Variants in LTBP1 observed in about 807,000 individuals in gnomAD.
LTBP1 encodes latent-transforming growth factor beta-binding protein 1.
In LTBP1, 129 loss-of-function variants were observed where a neutral mutation model predicts 207.6. The observed-to-expected ratio is 0.62, with a 90% confidence interval of 0.54 to 0.72. LTBP1 has a LOEUF of 0.72. Among genes scored for constraint, LTBP1 ranks in the 30% least tolerant of loss-of-function variants. The pLI, the probability that LTBP1 is intolerant of heterozygous loss-of-function variation, is 0.00. For synonymous variants in LTBP1, 963 were observed against 833.7 expected, an observed-to-expected ratio of 1.16 and a Z score of -2.67; for missense variants, 2,281 against 2,217.2, an observed-to-expected ratio of 1.03 and a Z score of -0.58.
intron 9 of LTBP1, among the ~76,000 whole-genome samples, chr2:33,225,396 G>A (rs529387803): frequency 6.6e-6 from 1 of 152,300 alleles, no homozygotes; most frequent in African/African-American, 2.4e-5. Flanking sequence ...TTTTACAAAA[G>A]AAAGAGATTT....
chr2:33,069,045 T>C (rs1355690006), intron 3 of LTBP1, among the ~76,000 whole-genome samples: 1 of 152,236 alleles, frequency 6.6e-6, no homozygotes, highest in East Asian at 1.9e-4. Flanking sequence ...GAAATTTTGT[T>C]TGGGGCTCAG....
intron 3 of LTBP1, among the ~76,000 whole-genome samples, chr2:33,090,096 T>G (rs970340516): frequency 4.6e-5 from 7 of 152,270 alleles, no homozygotes; most frequent in African/African-American, 1.4e-4. Flanking sequence ...AAAGAGTTTC[T>G]GTTTTCTCTG....
intron 2 of LTBP1, among the ~76,000 whole-genome samples, chr2:32,953,619 T>G (rs1019168241): frequency 6.6e-6 from 1 of 152,132 alleles, no homozygotes; most frequent in Non-Finnish European, 1.5e-5. Context: ...TAAACCTTCA[T>G]GATGAAGCCC....
At position 32,997,316 on chromosome 2, in the gene LTBP1, G is replaced by C. The variant is rs1685440173; in HGVS notation, c.566-23593G>C. On this transcript the variant is annotated intron_variant, in intron 2 of 33. Transcript: ENST00000404816. Reference sequence around the variant, plus strand: ...GCTTGAGGCCAAGAGTTTGAGACCAGCTGGGCAACAAAACAAGATCCTGTC... The same window carrying C: ...GCTTGAGGCCAAGAGTTTGAGACCACCTGGGCAACAAAACAAGATCCTGTC... Among the ~76,000 whole-genome samples, 3 of 152,030 alleles carry C rather than the reference G, an allele frequency of 2.0e-5. No individual in the cohort carries two copies. The South Asian group carries it at 6.2e-4, about 32-fold the overall frequency.
At chr2:33,389,912 A>G (rs914433327) in intron 32 of LTBP1, among the ~76,000 whole-genome samples, 12 of 152,168 alleles carry the variant, frequency 7.9e-5, no homozygotes, top group Non-Finnish European at 1.3e-4. Flanking sequence ...TGCTGGGATT[A>G]CAGGCATGAG....
At chr2:33,249,142 T>C (rs2092605740) in intron 10 of LTBP1, among the ~76,000 whole-genome samples, 1 of 152,200 alleles carries the variant, frequency 6.6e-6, no homozygotes, top group Non-Finnish European at 1.5e-5. Flanking sequence ...TTTAAACCCT[T>C]GCTCTTTTCT....
chr2:33,176,348 T>G (rs1466124303), intron 5 of LTBP1, among the ~76,000 whole-genome samples: 1 of 151,922 alleles, frequency 6.6e-6, no homozygotes, highest in Non-Finnish European at 1.5e-5. Flanking sequence ...GCCTCAGCCT[T>G]CTGAGTAGCT....
intron 23 of LTBP1, among the ~76,000 whole-genome samples, chr2:33,313,786 T>C (rs1038087484): frequency 6.6e-6 from 1 of 152,204 alleles, no homozygotes; most frequent in Non-Finnish European, 1.5e-5. Context: ...GACCCTGCAA[T>C]GTACCCAATA....
At chr2:32,985,704 C>T (rs1210832244) in intron 2 of LTBP1, among the ~76,000 whole-genome samples, 3 of 152,142 alleles carry the variant, frequency 2.0e-5, no homozygotes, top group Non-Finnish European at 4.4e-5. Flanking sequence ...TTATTGAGTA[C>T]CTACCATGTA....
chr2:33,305,397 A>G (rs2094071879), intron 22 of LTBP1, among the ~76,000 whole-genome samples: 1 of 151,890 alleles, frequency 6.6e-6, no homozygotes, highest in African/African-American at 2.4e-5. Flanking sequence ...GAGAAAATAG[A>G]GCGGGGTATA....
intron 11 of LTBP1, among the ~76,000 whole-genome samples, chr2:33,254,746 C>G: frequency 7.9e-6 from 1 of 126,212 alleles, no homozygotes; most frequent in Admixed American, 7.9e-5. Flanking sequence ...ATCCCTCCCG[C>G]CTCCCCCCAC....
intron 2 of LTBP1, among the ~76,000 whole-genome samples, 167 bp from the exon 3 acceptor site, chr2:33,020,742 C>T (rs542859673): frequency 1.3e-5 from 2 of 152,294 alleles, no homozygotes; most frequent in African/African-American, 4.8e-5. Flanking sequence ...TTAATATTAG[C>T]TCTCTTCCCC....
At position 32,947,259 on chromosome 2, in the gene LTBP1, G is replaced by C. The variant is rs1477540118; in HGVS notation, c.-66G>C. ...GGGGAGCCCGAACGCGCGGGGAAAG[G>C]CGAGCCGCACGGCCGGGGGAGGGGG... is the stretch of plus-strand genomic sequence containing the variant. On this transcript the variant is annotated 5_prime_UTR_variant, in exon 1 of 34. Transcript: ENST00000404816. The C allele has an allele frequency of 1.5e-5, 17 of 1,166,946 alleles. No individual in the cohort carries two copies. Among genetic ancestry groups the C allele is most frequent in the Non-Finnish European group, 1.8e-5 (17 of 936,098 alleles). The allele number at this position is 1,166,946 out of a possible 1,614,324, so 72.3% of individuals were successfully genotyped here.
At chr2:33,053,799 C>A (rs921296936) in intron 3 of LTBP1, among the ~76,000 whole-genome samples, 1 of 152,140 alleles carries the variant, frequency 6.6e-6, no homozygotes, top group African/African-American at 2.4e-5. Flanking sequence ...CACCTTGTAC[C>A]CTTGATTAGC....
chr2:33,311,127 A>G (rs747787382), intron 23 of LTBP1, among the ~76,000 whole-genome samples: 2 of 152,162 alleles, frequency 1.3e-5, no homozygotes, highest in Non-Finnish European at 2.9e-5. Flanking sequence ...ACTCTCTAAG[A>G]TAGTGGCACT....
intron 11 of LTBP1, among the ~76,000 whole-genome samples, chr2:33,254,548 G>GT (rs1573449058): frequency 8.3e-5 from 6 of 72,008 alleles, no homozygotes; most frequent in East Asian, 1.3e-3. Context: ...CTTTAAACTT[G>GT]GTTTTTTTTT....
chr2:32,992,792 T>C (rs1684625061), intron 2 of LTBP1, among the ~76,000 whole-genome samples: 1 of 151,594 alleles, frequency 6.6e-6, no homozygotes, highest in Admixed American at 6.6e-5. Flanking sequence ...CTGCAGGGGG[T>C]TCAGGGTGGC....
At chr2:33,297,245 G>A (rs1213060861) in intron 20 of LTBP1, among the ~76,000 whole-genome samples, 1 of 152,010 alleles carries the variant, frequency 6.6e-6, no homozygotes, top group East Asian at 1.9e-4. Flanking sequence ...AGCCTGGGAT[G>A]CATTACCTCA....
intron 31 of LTBP1, among the ~76,000 whole-genome samples, chr2:33,380,247 T>C (rs147805625): frequency 6.6e-6 from 1 of 152,014 alleles, no homozygotes; most frequent in East Asian, 1.9e-4. Context: ...AAAGACAAAT[T>C]GTCTTTCCAA....
Sources: allele counts gnomAD v4.1 joint callset (sites outside exome capture counted in the v4.1 genomes callset), GRCh38; gene constraint gnomAD v4.1.1; transcripts MANE v1.5; gene names NCBI Gene and HGNC (gene_info 2026-07-23, HGNC 2026-07-21).